The following ZNF527 variants were observed in gnomAD, a reference collection of about 807,000 sequenced individuals.
ZNF527 encodes zinc finger protein 527.
ZNF527 carries 5 observed loss-of-function variants against 13.5 expected under a neutral mutation model. That is an observed-to-expected ratio of 0.37 (90% CI 0.19 to 0.78). The LOEUF (loss-of-function observed/expected upper bound fraction) is 0.78, where lower values mean the gene tolerates loss of function less well. Ranked by LOEUF, ZNF527 falls within the 30% of genes least tolerant of loss-of-function variation. The pLI, the probability that ZNF527 is intolerant of heterozygous loss-of-function variation, is 0.48. For synonymous variants in ZNF527, 209 were observed against 243.1 expected (o/e 0.86, Z 1.30); for missense variants, 628 against 726.4 (o/e 0.86, Z 1.56).
chr19:37,388,363 A>T lies in ZNF527; in HGVS notation c.314A>T (p.Asp105Val), dbSNP rs1295372887. 4.3e-6 allele frequency: 7 copies of T among 1,614,012 alleles called. No homozygotes were observed. The highest frequency in any genetic ancestry group is 5.9e-6 in the Non-Finnish European group (7 of 1,180,000). The change falls in exon 5 of 5, where the codon GAT (aspartate) becomes GTT (valine). Residue 105 changes from aspartate (D) to valine (V), a missense_variant. By Grantham distance (152) the Asp-to-Val change is radical (BLOSUM62 -3). Transcript: ENST00000436120. The part of the protein sequence containing the change: ...ELSPKWFIDE[D>V]EISQEMVMER... ...TCTCCAAAATGGTTCATTGATGAAG[A>T]TGAAATATCCCAGGAGATGGTAATG...
chr19:37,389,438 T>C lies in ZNF527; in HGVS notation c.1389T>C (p.Ile463=). The C allele has an allele frequency of 6.2e-7, 1 of 1,614,098 alleles. No individual in the cohort carries two copies. Among genetic ancestry groups the C allele is most frequent in the Non-Finnish European group, 8.5e-7 (1 of 1,180,024 alleles). Residue 463 remains isoleucine, a synonymous_variant, in exon 5 of 5, where the codon ATT becomes ATC. Coordinates refer to ENST00000436120, the MANE Select transcript of ZNF527 (RefSeq NM_032453.2). ...CACACCTGAATCAACATCAGAGAAT[T>C]CATACCGGAGAAAAGCCCTATGAAT... ...YRSHLNQHQR[I]HTGEKPYECI... is the part of the protein sequence containing the mutation.
chr19:37,381,641 A>C (rs1305996640), intron 4 of ZNF527, among the ~76,000 whole-genome samples: 1 of 152,168 alleles, frequency 6.6e-6, no homozygotes, highest in African/African-American at 2.4e-5. Context: ...GTAGTTAATA[A>C]ATATCTTGGG....
chr19:37,386,458 C>T (rs915286111), intron 4 of ZNF527, among the ~76,000 whole-genome samples: 1 of 152,082 alleles, frequency 6.6e-6, no homozygotes, highest in Admixed American at 6.6e-5. Flanking sequence ...AGAAATTTCT[C>T]TGATGATGGA....
chr19:37,388,741 C>A lies in ZNF527; in HGVS notation c.692C>A (p.Thr231Lys), dbSNP rs372823998. 2.0e-5 allele frequency: 32 copies of A among 1,612,772 alleles called. 1 individual carries two copies. Among genetic ancestry groups the A allele is most frequent in the Admixed American group, 1.0e-4 (6 of 59,772 alleles). ...GAATGTGAAGAATTCAACCAGAGTA[C>A]GTACCTTAGTAAAGATATAGGAATT... Reference protein sequence around the residue: ...GNECEEFNQSTYLSKDIGIPP... With the variant: ...GNECEEFNQSKYLSKDIGIPP... The change falls in exon 5 of 5, where the codon ACG (threonine) becomes AAG (lysine). Residue 231 changes from threonine to lysine, a missense_variant. Coordinates refer to ENST00000436120, the MANE Select transcript of ZNF527 (RefSeq NM_032453.2).
Position 37,390,650 on chromosome 19 carries a change from G to A in ZNF527, c.*771G>A, listed in dbSNP as rs1004469229. The A allele has an allele frequency of 1.3e-5, 2 of 152,154 alleles. No homozygotes were observed. The highest frequency in any genetic ancestry group is 2.9e-5 in the Non-Finnish European group (2 of 68,032). The allele number at this position is 152,154 out of a possible 1,614,324, so 9.4% of individuals were successfully genotyped here. ...AAGAGAAATCTAACAGAGGAAAATG[G>A]AGATGAGAGACAGAAATATGATGAT... On this transcript the variant is annotated 3_prime_UTR_variant, in exon 5 of 5. Transcript: ENST00000436120.
Position 37,388,595 on chromosome 19 carries a change from G to A in ZNF527, c.546G>A (p.Gln182=). 1 of 1,614,054 alleles carries A rather than the reference G, an allele frequency of 6.2e-7. No homozygotes were observed. Among genetic ancestry groups the A allele is most frequent in the Non-Finnish European group, 8.5e-7 (1 of 1,179,974 alleles). The change falls in exon 5 of 5, where the codon CAG becomes CAA. Residue 182 remains glutamine (Q), a synonymous_variant. Transcript: ENST00000436120. Reference sequence around the variant, plus strand: ...TGAAATCAGTATTTTTAACACAACAGAAAGTTCCTACCATACAGCAAGTAC... The same window carrying A: ...TGAAATCAGTATTTTTAACACAACAAAAAGTTCCTACCATACAGCAAGTAC... The part of the protein sequence containing the change: ...IPLKSVFLTQ[Q]KVPTIQQVHK...
At chr19:37,385,304 G>A (rs1394957728) in intron 4 of ZNF527, 7 of 425,520 alleles carry the variant, frequency 1.6e-5, no homozygotes, top group Non-Finnish European at 2.9e-5. Context: ...CTTTCAACCA[G>A]ATGTCGTCAG....
chr19:37,380,390 A>G lies in ZNF527; in HGVS notation c.256+18A>G. On this transcript the variant is annotated intron_variant, in intron 4 of 4. Transcript: ENST00000436120. ...CTGTGCAGGTGAGTGACAGATCACC[A>G]GGCAGGGAGGACTATTGTAAGGTAC... is the stretch of plus-strand genomic sequence containing the variant. 1.9e-6 allele frequency: 3 copies of G among 1,599,968 alleles called. No individual in the cohort carries two copies. The highest frequency in any genetic ancestry group is 1.7e-6 in the Non-Finnish European group (2 of 1,167,440).
intron 2 of ZNF527, among the ~76,000 whole-genome samples, chr19:37,378,243 G>C (rs2040623893): frequency 6.6e-6 from 1 of 152,008 alleles, no homozygotes; most frequent in Non-Finnish European, 1.5e-5. Flanking sequence ...GGCCAGACTG[G>C]TCTCGAACTC....
chr19:37,374,975 A>G (rs1262660795), intron 2 of ZNF527, among the ~76,000 whole-genome samples: 1 of 152,176 alleles, frequency 6.6e-6, no homozygotes, highest in Non-Finnish European at 1.5e-5. Flanking sequence ...GATTCTGGGT[A>G]TAGACTGGAG....
At position 37,379,255 on chromosome 19, in the gene ZNF527, G is replaced by A; in HGVS notation, c.160+9G>A. 3 of 1,578,314 alleles carry A rather than the reference G, an allele frequency of 1.9e-6. No homozygotes were observed. Among genetic ancestry groups the A allele is most frequent in the Non-Finnish European group, 2.6e-6 (3 of 1,166,414 alleles). ...GAACTTGGTATGGCTTGGTAAGGAT[G>A]TTTCTCCCCCATAATTTAAAAATCT... On this transcript the variant is annotated intron_variant, in intron 3 of 4. Transcript: ENST00000436120.
intron 4 of ZNF527, among the ~76,000 whole-genome samples, chr19:37,380,699 A>C (rs1157324305): frequency 6.6e-6 from 1 of 152,186 alleles, no homozygotes; most frequent in Non-Finnish European, 1.5e-5. Context: ...GTGTTTAAAG[A>C]ATCAAGTAGT....
At position 37,388,474 on chromosome 19, in the gene ZNF527, A is replaced by G; in HGVS notation, c.425A>G (p.Asn142Ser). 4 of 1,614,202 alleles carry G rather than the reference A, an allele frequency of 2.5e-6. No homozygotes were observed. Among genetic ancestry groups the G allele is most frequent in the Non-Finnish European group, 3.4e-6 (4 of 1,180,020 alleles). Residue 142 changes from asparagine (N) to serine (S), a missense_variant, in exon 5 of 5, where the codon AAT (asparagine) becomes AGT (serine). This residue lies in a region of ZNF527 where 592 missense variants were observed against 678.0 expected (regional missense o/e 0.87). Transcript: ENST00000436120. The stretch of plus-strand genomic sequence containing the variant: ...GGTGAATTTGAGCTACATCAGGGAA[A>G]TGCGGAGAGGCATTTCATGCAAGTG... ...YKGEFELHQG[N>S]AERHFMQVTA...
At position 37,392,425 on chromosome 19, in the gene ZNF527, T is replaced by C. The variant is rs1290263457; in HGVS notation, c.*2546T>C. 1 of 152,162 alleles carries C rather than the reference T, an allele frequency of 6.6e-6. No homozygotes were observed. The highest frequency in any genetic ancestry group is 1.5e-5 in the Non-Finnish European group (1 of 68,028). The allele number at this position is 152,162 out of a possible 1,614,324, so 9.4% of individuals were successfully genotyped here. A position where few individuals can be genotyped will look rare whatever the true frequency, so the allele number is the denominator to read the frequency against. On this transcript the variant is annotated 3_prime_UTR_variant, in exon 5 of 5. Coordinates refer to ENST00000436120, the MANE Select transcript of ZNF527 (RefSeq NM_032453.2). ...TTTTTTTTGAGACAGGGTCTCACTCTGTTATCCAGGCTGGAATGCGGTGAC... is the reference window on the plus strand; with the variant it reads ...TTTTTTTTGAGACAGGGTCTCACTCCGTTATCCAGGCTGGAATGCGGTGAC...
In ZNF527 at chr19:37,388,328, T is replaced by C. The variant is rs2040716620; in HGVS notation, c.279T>C (p.Ile93=). 2 of 1,613,148 alleles carry C rather than the reference T, an allele frequency of 1.2e-6. No homozygotes were observed. Among genetic ancestry groups the C allele is most frequent in the South Asian group, 2.2e-5 (2 of 90,982 alleles). ...CAGACTGGGAGTCTTGGTGTGAAAT[T>C]GAGGAATTATCTCCAAAATGGTTCA... is the stretch of plus-strand genomic sequence containing the variant. ...HCADWESWCE[I]EELSPKWFID... Residue 93 remains isoleucine, a synonymous_variant, in exon 5 of 5, where the codon ATT becomes ATC. Coordinates refer to ENST00000436120, the MANE Select transcript of ZNF527 (RefSeq NM_032453.2).
Position 37,371,190 on chromosome 19 carries a change from T to C in ZNF527, c.-78T>C, listed in dbSNP as rs1047836882. ...TGGGAGGTGACGTCGCGGGTCTCGGTCGCGGGGCCCGTTTGCAGAGCCCGC... is the reference window on the plus strand; with the variant it reads ...TGGGAGGTGACGTCGCGGGTCTCGGCCGCGGGGCCCGTTTGCAGAGCCCGC... On this transcript the variant is annotated 5_prime_UTR_variant, in exon 1 of 5. Coordinates refer to ENST00000436120, the MANE Select transcript of ZNF527 (RefSeq NM_032453.2). 2 of 152,530 alleles carry C rather than the reference T, an allele frequency of 1.3e-5. No individual in the cohort carries two copies. The highest frequency in any genetic ancestry group is 2.9e-5 in the Non-Finnish European group (2 of 68,068). 9.4% of individuals were successfully genotyped at this position (152,530 alleles called of 1,614,324 possible).
In ZNF527 at chr19:37,392,813, T is replaced by C. The variant is rs2040765466; in HGVS notation, c.*2934T>C. ...TCACTTGTAATGTTGATAAAATCTT[T>C]TGTACCCATGTGTTTAGCTTCAGTG... On this transcript the variant is annotated 3_prime_UTR_variant, in exon 5 of 5. Coordinates refer to ENST00000436120, the MANE Select transcript of ZNF527 (RefSeq NM_032453.2). The C allele has an allele frequency of 1.3e-5, 2 of 152,210 alleles. No homozygotes were observed. Among genetic ancestry groups the C allele is most frequent in the Non-Finnish European group, 2.9e-5 (2 of 68,038 alleles). 9.4% of individuals were successfully genotyped at this position (152,210 alleles called of 1,614,324 possible).
intron 4 of ZNF527, among the ~76,000 whole-genome samples, chr19:37,387,814 A>C (rs1405573212): frequency 6.6e-6 from 1 of 152,226 alleles, no homozygotes; most frequent in East Asian, 1.9e-4. Flanking sequence ...TATGAGATTA[A>C]TCTGGCAGCA....
Position 37,388,972 on chromosome 19 carries a change from G to A in ZNF527, c.923G>A (p.Gly308Glu). Residue 308 changes from glycine to glutamate, a missense_variant, in exon 5 of 5, where the codon GGA becomes GAA. Around this residue, in one of 3 missense-constraint regions of ZNF527, gnomAD observed 592 missense variants for 678.0 expected, o/e 0.87. Transcript: ENST00000436120. Reference sequence around the variant, plus strand: ...AAACCATATGCATGCAATGACTGTGGAAAAGCCTTTAGCCACGACTTCTTT... The same window carrying A: ...AAACCATATGCATGCAATGACTGTGAAAAAGCCTTTAGCCACGACTTCTTT... The part of the protein sequence containing the change: ...GEKPYACNDC[G>E]KAFSHDFFLS... The A allele has an allele frequency of 6.2e-7, 1 of 1,614,154 alleles. No individual in the cohort carries two copies. Among genetic ancestry groups the A allele is most frequent in the South Asian group, 1.1e-5 (1 of 91,074 alleles).
Sources: allele counts gnomAD v4.1 joint callset (sites outside exome capture counted in the v4.1 genomes callset), GRCh38; gene constraint gnomAD v4.1.1; regional missense constraint gnomAD v4.1.1; transcripts MANE v1.5; gene names NCBI Gene and HGNC (gene_info 2026-07-23, HGNC 2026-07-21).